CCDC152: variants seen among roughly 807,000 people sequenced by gnomAD.
The protein encoded by CCDC152 is coiled-coil domain containing 152.
In CCDC152, 37 loss-of-function variants were observed where a neutral mutation model predicts 38.1. The observed-to-expected ratio is 0.97, with a 90% confidence interval of 0.75 to 1.28. The LOEUF is 1.28. Among genes scored for constraint, CCDC152 ranks in the 50% most tolerant of loss-of-function variants. The pLI is 0.00. For missense variants in CCDC152, 259 were observed against 292.1 expected, an observed-to-expected ratio of 0.89 and a Z score of 0.83; for synonymous variants, 83 against 87.1, an observed-to-expected ratio of 0.95 and a Z score of 0.26.
intron 4 of CCDC152, 33 bp downstream of exon 4, chr5:42,769,698 G>C: frequency 6.8e-7 from 1 of 1,460,450 alleles, no homozygotes; most frequent in South Asian, 1.4e-5. Context: ...ATCTAAAAAA[G>C]CATTGTGTAT....
At chr5:42,777,359 G>C (rs1759780818) in intron 4 of CCDC152, among the ~76,000 whole-genome samples, 1 of 151,922 alleles carries the variant, frequency 6.6e-6, no homozygotes, top group South Asian at 2.1e-4. Flanking sequence ...GCTACTCGGG[G>C]GCCGAGGCAG....
Position 42,769,142 on chromosome 5 carries a change from A to G in CCDC152, c.194-455A>G, listed in dbSNP as rs1213732493. Among the ~76,000 whole-genome samples, 3 of 151,960 alleles carry G rather than the reference A, an allele frequency of 2.0e-5. 1 individual carries two copies. ...CGCGTGCCTGTGATCCCAGCTGCTC[A>G]GGAGGCTGAGGCAGGAGAATTACTT... is the stretch of plus-strand genomic sequence containing the variant. On this transcript the variant is annotated intron_variant, in intron 3 of 8. Transcript: ENST00000361970.
intron 6 of CCDC152, among the ~76,000 whole-genome samples, chr5:42,790,896 T>G (rs891276145): frequency 6.6e-5 from 10 of 152,088 alleles, no homozygotes; most frequent in African/African-American, 2.4e-4. Flanking sequence ...CTCTCCGAAA[T>G]TGGAGATCTA....
Position 42,800,843 on chromosome 5 carries a change from T to C in CCDC152, c.*1062T>C. ...CTGGAGGCAAACGTCACTGACAAGA[T>C]TCAGTTATGTTCTCCTCTGCCCGAA... On this transcript the variant is annotated 3_prime_UTR_variant, in exon 9 of 9. Coordinates refer to ENST00000361970, the MANE Select transcript of CCDC152 (RefSeq NM_001134848.2). 1.9e-6 allele frequency: 3 copies of C among 1,614,192 alleles called. No homozygotes were observed. Among genetic ancestry groups the C allele is most frequent in the Non-Finnish European group, 2.5e-6 (3 of 1,180,032 alleles).
chr5:42,782,426 T>C (rs578118190), intron 5 of CCDC152, among the ~76,000 whole-genome samples: 2 of 152,294 alleles, frequency 1.3e-5, no homozygotes, highest in South Asian at 4.1e-4. Flanking sequence ...AAAAAAGACA[T>C]TGTTTCTGTA....
chr5:42,759,070 T>A (rs770116977), intron 1 of CCDC152, 50 bp from the exon 2 acceptor site: 2 of 1,289,128 alleles, frequency 1.6e-6, no homozygotes, highest in South Asian at 2.7e-5. Flanking sequence ...ATTGTGGTGC[T>A]TTAGATCTTA....
rs1464761683 is a variant in CCDC152, at chr5:42,797,000, G to A, written c.558+44G>A. 3.7e-6 allele frequency: 5 copies of A among 1,350,762 alleles called. No homozygotes were observed. In the Admixed American group the frequency reaches 1.6e-4, roughly 42 times the overall value. The allele number at this position is 1,350,762 out of a possible 1,614,324, so 83.7% of individuals were successfully genotyped here. ...GCTAAACTTGAGGACACATCCCTTA[G>A]TCTAAACTGTACTTTGATTGTTTTT... is the stretch of plus-strand genomic sequence containing the variant. On this transcript the variant is annotated intron_variant, in intron 7 of 8. Coordinates refer to ENST00000361970, the MANE Select transcript of CCDC152 (RefSeq NM_001134848.2).
chr5:42,796,768 C>A, intron 6 of CCDC152, 61 bp from the exon 7 acceptor site: 1 of 1,117,780 alleles, frequency 8.9e-7, no homozygotes, highest in Non-Finnish European at 1.2e-6. Context: ...TAAAGAAATA[C>A]AAACTTATAA....
At chr5:42,768,998 A>AG (rs1561273506) in intron 3 of CCDC152, among the ~76,000 whole-genome samples, 4 of 152,126 alleles carry the variant, frequency 2.6e-5, no homozygotes, top group Admixed American at 2.6e-4. Context: ...TAGGAGACCA[A>AG]GGGGGGTGGA....
At chr5:42,788,614 T>C (rs947476056) in intron 6 of CCDC152, among the ~76,000 whole-genome samples, 10 of 152,170 alleles carry the variant, frequency 6.6e-5, no homozygotes, top group African/African-American at 2.4e-4. Context: ...GCCATTTGCT[T>C]GTTGAATTGT....
intron 8 of CCDC152, 27 bp downstream of exon 8, chr5:42,799,485 GTTGC>G (rs1179219494): frequency 1.4e-5 from 20 of 1,401,052 alleles, no homozygotes; most frequent in Non-Finnish European, 1.8e-5. Context: ...CTCAGTATTT[GTTGC>G]TTAAGAAAAC....
At chr5:42,796,208 T>A (rs1469246649) in intron 6 of CCDC152, among the ~76,000 whole-genome samples, 6 of 150,892 alleles carry the variant, frequency 4.0e-5, no homozygotes, top group African/African-American at 1.2e-4. Flanking sequence ...AACCTGCACA[T>A]GGTGCACATG....
At position 42,800,183 on chromosome 5, in the gene CCDC152, A is replaced by G. The variant is rs1385500746; in HGVS notation, c.*402A>G. The G allele has an allele frequency of 6.2e-6, 1 of 161,638 alleles. No homozygotes were observed. The highest frequency in any genetic ancestry group is 1.8e-4 in the East Asian group (1 of 5,488). The allele number at this position is 161,638 out of a possible 1,614,324, so 10.0% of individuals were successfully genotyped here. A position where few individuals can be genotyped will look rare whatever the true frequency, so the allele number is the denominator to read the frequency against. ...GATAGTAAAAATCAGGATGAGTCTT[A>G]GATATACAAAAGATAAATGGATATT... is the stretch of plus-strand genomic sequence containing the variant. On this transcript the variant is annotated 3_prime_UTR_variant, in exon 9 of 9. Coordinates refer to ENST00000361970, the MANE Select transcript of CCDC152 (RefSeq NM_001134848.2).
intron 1 of CCDC152, among the ~76,000 whole-genome samples, chr5:42,757,923 T>C (rs1759503151): frequency 6.6e-6 from 1 of 152,144 alleles, no homozygotes; most frequent in Admixed American, 6.5e-5. Context: ...ATTAACTACT[T>C]CAGATTACTA....
Position 42,775,025 on chromosome 5 carries a change from GA to G in CCDC152, c.263-4421del, listed in dbSNP as rs35289008. On this transcript the variant is annotated intron_variant, in intron 4 of 8. Coordinates refer to ENST00000361970, the MANE Select transcript of CCDC152 (RefSeq NM_001134848.2). ...AGAAACTTCCGAAACTGAAATTTCA[GA>G]AAAAAAAAAAAGACTAGGAAAAAAG... Among the ~76,000 whole-genome samples, 330 of 133,120 alleles carry G rather than the reference GA, an allele frequency of 2.5e-3. 3 individuals are homozygous for G. Among genetic ancestry groups the G allele is most frequent in the African/African-American group, 8.2e-3 (298 of 36,442 alleles). 87.3% of individuals were successfully genotyped at this position (133,120 alleles called of 152,430 possible).
intron 3 of CCDC152, among the ~76,000 whole-genome samples, chr5:42,767,453 T>G (rs1280695197): frequency 4.6e-5 from 7 of 152,160 alleles, no homozygotes; most frequent in Non-Finnish European, 7.4e-5. Context: ...CTCAAAATGA[T>G]TATTGATTTA....
chr5:42,766,058 C>G (rs972521750), intron 3 of CCDC152, among the ~76,000 whole-genome samples: 1 of 151,922 alleles, frequency 6.6e-6, no homozygotes, highest in Non-Finnish European at 1.5e-5. Flanking sequence ...GCTCAAACAC[C>G]CCTATAGGAA....
chr5:42,779,553 G>A, intron 5 of CCDC152, 31 bp downstream of exon 5: 1 of 1,179,630 alleles, frequency 8.5e-7, no homozygotes, highest in Non-Finnish European at 1.2e-6. Context: ...ATTCAGTCAA[G>A]TCCCTGTGGA....
intron 6 of CCDC152, among the ~76,000 whole-genome samples, chr5:42,796,298 TGTA>T (rs1720486987): frequency 1.3e-5 from 2 of 150,350 alleles, no homozygotes; most frequent in African/African-American, 4.9e-5. Flanking sequence ...TTGTGGGGCT[TGTA>T]GATTGTCTCC....
Sources: gnomAD v4.1 joint callset for allele counts (sites outside exome capture counted in the v4.1 genomes callset) on GRCh38, gnomAD v4.1.1 for gene constraint, MANE v1.5 for transcripts, NCBI Gene and HGNC (gene_info 2026-07-23, HGNC 2026-07-21) for gene names.